The following ANKRD6 variants were observed in gnomAD, a reference collection of about 807,000 sequenced individuals.
ANKRD6 encodes ankyrin repeat domain 6, also known as ankyrin repeat domain-containing protein 6.
Under a neutral mutation model 82.3 loss-of-function variants are expected in ANKRD6, and 56 were observed. That is an observed-to-expected ratio of 0.68 (90% confidence interval 0.55 to 0.85). The LOEUF is 0.85. ANKRD6 is among the 40% of genes least tolerant of loss of function. The pLI, the probability that ANKRD6 is intolerant of heterozygous loss-of-function variation, is 0.00. For missense variants in ANKRD6, 852 were observed against 907.6 expected (o/e 0.94, Z 0.79); for synonymous variants, 347 against 352.1 (o/e 0.99, Z 0.16).
intron 1 of ANKRD6, among the ~76,000 whole-genome samples, chr6:89,510,954 C>T (rs2127938479): frequency 6.6e-6 from 1 of 152,236 alleles, no homozygotes; most frequent in South Asian, 2.1e-4. Context: ...TAGCATTGCC[C>T]TGGACAGGGA....
At chr6:89,610,227 A>T (rs928959016) in intron 5 of ANKRD6, among the ~76,000 whole-genome samples, 1 of 152,084 alleles carries the variant, frequency 6.6e-6, no homozygotes, top group Non-Finnish European at 1.5e-5. Flanking sequence ...GAATGTTTCC[A>T]TTGCCCCTTA....
At chr6:89,623,826 G>A (rs370713784) in intron 11 of ANKRD6, 46 bp from the exon 12 acceptor site, 1 of 1,567,948 alleles carries the variant, frequency 6.4e-7, no homozygotes, top group Non-Finnish European at 8.6e-7. Flanking sequence ...TGTCAGTCTT[G>A]CAGAGGTCAA....
At chr6:89,551,598 A>G (rs1272914407) in intron 1 of ANKRD6, among the ~76,000 whole-genome samples, 8 of 152,226 alleles carry the variant, frequency 5.3e-5, no homozygotes, top group African/African-American at 1.7e-4. Context: ...AGAAAGCTCC[A>G]TCATCTACCA....
intron 1 of ANKRD6, among the ~76,000 whole-genome samples, chr6:89,449,973 G>A (rs1285152722): frequency 6.6e-6 from 1 of 152,154 alleles, no homozygotes; most frequent in Admixed American, 6.6e-5. Context: ...GATTGACTCT[G>A]ATTTTGAAAG....
intron 15 of ANKRD6, 130 bp downstream of exon 15, chr6:89,629,368 G>C: frequency 7.5e-7 from 1 of 1,333,002 alleles, no homozygotes; most frequent in East Asian, 2.5e-5. Context: ...GCACTCTGTA[G>C]GGGCAAGGAC....
chr6:89,528,064 G>GC (rs1419978690), intron 1 of ANKRD6, among the ~76,000 whole-genome samples: 1 of 152,094 alleles, frequency 6.6e-6, no homozygotes, highest in Admixed American at 6.5e-5. Flanking sequence ...TCCTGCCTTG[G>GC]CCCCCCAAAG....
rs938465098 is a variant in ANKRD6 at position 89,555,999 on chromosome 6, G to A, written c.-143-10835G>A. Among the ~76,000 whole-genome samples the A allele has an allele frequency of 1.2e-4, 18 of 152,266 alleles. No individual in the cohort carries two copies. The South Asian group carries it at 3.7e-3, about 32-fold the overall frequency. The stretch of plus-strand genomic sequence containing the variant: ...CAGCCCATAATTAGCAGTCCCACTA[G>A]CCCCCTGTATGGTCTGTTTACATAA... On this transcript the variant is annotated intron_variant, in intron 1 of 15. Transcript: ENST00000339746.
chr6:89,490,164 A>G (rs1384931427), intron 1 of ANKRD6, among the ~76,000 whole-genome samples: 1 of 152,176 alleles, frequency 6.6e-6, no homozygotes, highest in African/African-American at 2.4e-5. Flanking sequence ...TTGCATGCGC[A>G]TTTGCTTTTC....
chr6:89,544,755 T>C (rs1389793987), intron 1 of ANKRD6, among the ~76,000 whole-genome samples: 2 of 151,654 alleles, frequency 1.3e-5, no homozygotes, highest in Admixed American at 1.3e-4. Context: ...AAAAAACCAG[T>C]GGGTCCTGAA....
intron 2 of ANKRD6, among the ~76,000 whole-genome samples, chr6:89,582,888 C>T (rs1376750808): frequency 6.6e-6 from 1 of 152,184 alleles, no homozygotes; most frequent in Non-Finnish European, 1.5e-5. Context: ...GTGCTTAGAA[C>T]AGTGTAATTA....
chr6:89,584,725 AT>A (rs746890657), intron 2 of ANKRD6, among the ~76,000 whole-genome samples: 9 of 152,222 alleles, frequency 5.9e-5, no homozygotes, highest in Non-Finnish European at 8.8e-5. Context: ...AATCTACCAT[AT>A]CAACAAGTGC....
chr6:89,511,351 A>G (rs1469331107), intron 1 of ANKRD6, among the ~76,000 whole-genome samples: 1 of 152,194 alleles, frequency 6.6e-6, no homozygotes, highest in East Asian at 1.9e-4. Flanking sequence ...TGCTGCAGCC[A>G]TTCCTGGCTT....
intron 9 of ANKRD6, chr6:89,621,583 A>G: frequency 3.8e-6 from 1 of 259,974 alleles, no homozygotes; most frequent in Non-Finnish European, 7.6e-6. Context: ...GACGCCATTC[A>G]TATCCTAGTT....
At chr6:89,523,218 T>C (rs1782081980) in intron 1 of ANKRD6, among the ~76,000 whole-genome samples, 2 of 152,216 alleles carry the variant, frequency 1.3e-5, no homozygotes, top group African/African-American at 4.8e-5. Context: ...TTAGACAAGA[T>C]TAGCATCTTC....
chr6:89,598,304 T>A (rs1048355316), intron 3 of ANKRD6: 1 of 985,216 alleles, frequency 1.0e-6, no homozygotes, highest in African/African-American at 1.7e-5. Context: ...AGCAATCACA[T>A]AGCTCCCGCC....
Position 89,632,385 on chromosome 6 carries a change from A to G in ANKRD6, c.*1381A>G, listed in dbSNP as rs971279500. 17 of 152,196 alleles carry G rather than the reference A, an allele frequency of 1.1e-4. No homozygotes were observed. The highest frequency in any genetic ancestry group is 3.3e-4 in the Admixed American group (5 of 15,274). The allele number at this position is 152,196 out of a possible 1,614,324, so 9.4% of individuals were successfully genotyped here. A position where few individuals can be genotyped will look rare whatever the true frequency, so the allele number is the denominator to read the frequency against. On this transcript the variant is annotated 3_prime_UTR_variant, in exon 16 of 16. Transcript: ENST00000339746. ...CTAAAAGAAAAATAATTCAGTAGAT[A>G]TATGTCACTGTTACCTGAATATGGA...
intron 1 of ANKRD6, among the ~76,000 whole-genome samples, chr6:89,545,627 C>T (rs1036178323): frequency 1.3e-5 from 2 of 152,092 alleles, no homozygotes; most frequent in African/African-American, 4.8e-5. Context: ...TCTCAGGAGG[C>T]CAAGTGTTGC....
chr6:89,489,386 C>T (rs973253000), intron 1 of ANKRD6, among the ~76,000 whole-genome samples: 10 of 152,118 alleles, frequency 6.6e-5, no homozygotes, highest in Admixed American at 6.6e-4. Context: ...ATGCCAGCTG[C>T]CCACAGATTG....
intron 1 of ANKRD6, among the ~76,000 whole-genome samples, chr6:89,441,887 T>G (rs1771441873): frequency 6.6e-6 from 1 of 152,028 alleles, no homozygotes; most frequent in African/African-American, 2.4e-5. Context: ...CTGCCTTGGC[T>G]TCTCAAAGTG....
Sources: allele counts gnomAD v4.1 joint callset (sites outside exome capture counted in the v4.1 genomes callset), GRCh38; gene constraint gnomAD v4.1.1; transcripts MANE v1.5; gene names NCBI Gene and HGNC (gene_info 2026-07-23, HGNC 2026-07-21).